Variants in EDIL3 observed in about 807,000 individuals in gnomAD.
EDIL3 encodes the protein EGF like and discoidin domains 3, also known as EGF-like repeat and discoidin I-like domain-containing protein 3.
In EDIL3, 37 loss-of-function variants were observed where a neutral mutation model predicts 67.4. The ratio of observed to expected loss-of-function variants is 0.55; its 90% CI spans 0.42 to 0.72. The LOEUF (loss-of-function observed/expected upper bound fraction) is 0.72. Ranked by LOEUF, EDIL3 falls within the 30% of genes least tolerant of loss-of-function variation. The pLI is 0.00. For synonymous variants in EDIL3, 195 were observed against 196.3 expected (o/e 0.99, Z 0.05); for missense variants, 527 against 586.3 (o/e 0.90, Z 1.04).
intron 6 of EDIL3, among the ~76,000 whole-genome samples, chr5:84,076,369 A>T (rs1483549619): frequency 2.6e-5 from 4 of 152,192 alleles, no homozygotes; most frequent in Admixed American, 6.5e-5. Context: ...AATTTTAACA[A>T]AAGTAGTTTG....
At chr5:84,308,670 A>C (rs1365465092) in intron 1 of EDIL3, among the ~76,000 whole-genome samples, 3 of 152,184 alleles carry the variant, frequency 2.0e-5, no homozygotes, top group Non-Finnish European at 4.4e-5. Context: ...TAAATTATTA[A>C]TCTGTGATTC....
intron 1 of EDIL3, among the ~76,000 whole-genome samples, chr5:84,262,990 T>C (rs1358222661): frequency 1.3e-5 from 2 of 152,054 alleles, no homozygotes; most frequent in Non-Finnish European, 2.9e-5. Context: ...TTTTTGACTA[T>C]ATTATTTCTA....
At chr5:84,113,184 A>G (rs748302679) in intron 5 of EDIL3, among the ~76,000 whole-genome samples, 16 of 152,204 alleles carry the variant, frequency 1.1e-4, no homozygotes, top group South Asian at 2.1e-4. Context: ...GAATACAAAA[A>G]TAGAATACGG....
chr5:84,384,065 C>G (rs901989112), intron 1 of EDIL3, among the ~76,000 whole-genome samples: 2 of 152,158 alleles, frequency 1.3e-5, no homozygotes, highest in African/African-American at 2.4e-5. Flanking sequence ...TCCCCACCGT[C>G]CTCCTCTTTC....
chr5:84,266,075 T>C (rs994127103), intron 1 of EDIL3, among the ~76,000 whole-genome samples: 5 of 152,168 alleles, frequency 3.3e-5, no homozygotes, highest in African/African-American at 9.7e-5. Flanking sequence ...CACATAAATA[T>C]TTAGGAAGTG....
chr5:84,026,040 G>A (rs1316896681), intron 9 of EDIL3, among the ~76,000 whole-genome samples: 3 of 152,248 alleles, frequency 2.0e-5, no homozygotes, highest in East Asian at 1.9e-4. Flanking sequence ...GCTACTCAAC[G>A]TGTGGTCTCT....
At chr5:84,173,597 C>A (rs1748850527) in intron 4 of EDIL3, among the ~76,000 whole-genome samples, 1 of 152,122 alleles carries the variant, frequency 6.6e-6, no homozygotes, top group South Asian at 2.1e-4. Flanking sequence ...CATGGGGTGG[C>A]TTCTCCATCT....
chr5:83,959,309 T>C (rs949706352), intron 10 of EDIL3, among the ~76,000 whole-genome samples: 3 of 150,372 alleles, frequency 2.0e-5, no homozygotes, highest in African/African-American at 4.9e-5. Flanking sequence ...AGGCCATTGA[T>C]ACATTTTTCG....
At chr5:84,358,997 C>A (rs1450805266) in intron 1 of EDIL3, among the ~76,000 whole-genome samples, 1 of 152,112 alleles carries the variant, frequency 6.6e-6, no homozygotes, top group Non-Finnish European at 1.5e-5. Context: ...AAGTAACAAG[C>A]CTCCCTGGGC....
chr5:84,186,267 T>G (rs1743446108), intron 3 of EDIL3, among the ~76,000 whole-genome samples: 1 of 152,098 alleles, frequency 6.6e-6, no homozygotes, highest in Non-Finnish European at 1.5e-5. Flanking sequence ...GAGCATATAG[T>G]GTTGCTTATA....
chr5:84,029,132 C>T (rs1032471391), intron 9 of EDIL3, among the ~76,000 whole-genome samples: 1 of 152,118 alleles, frequency 6.6e-6, no homozygotes, highest in Non-Finnish European at 1.5e-5. Flanking sequence ...TGGCAGGTGC[C>T]TGTAGTCCCA....
At chr5:84,003,619 A>T (rs924554949) in intron 9 of EDIL3, among the ~76,000 whole-genome samples, 7 of 152,216 alleles carry the variant, frequency 4.6e-5, no homozygotes, top group Non-Finnish European at 8.8e-5. Context: ...CCCCTTTGCA[A>T]ATGCTAAGGA....
chr5:84,278,888 C>T (rs1745639711), intron 1 of EDIL3, among the ~76,000 whole-genome samples: 1 of 152,090 alleles, frequency 6.6e-6, no homozygotes, highest in Non-Finnish European at 1.5e-5. Context: ...TTCTTGAGAT[C>T]ACACAAAGGA....
intron 6 of EDIL3, among the ~76,000 whole-genome samples, chr5:84,075,543 T>C: frequency 6.6e-6 from 1 of 151,960 alleles, no homozygotes; most frequent in South Asian, 2.1e-4. Context: ...TGGTGCAATC[T>C]CAGCTCACTG....
intron 1 of EDIL3, among the ~76,000 whole-genome samples, chr5:84,375,366 T>C (rs1385858816): frequency 6.6e-6 from 1 of 152,204 alleles, no homozygotes; most frequent in African/African-American, 2.4e-5. Flanking sequence ...TTGAAGTTTT[T>C]TTAAAAAAAT....
In EDIL3 at chr5:83,940,874, AAGAG is replaced by A. The variant is rs1425879066; in HGVS notation, c.*2541_*2544del. 2 of 152,036 alleles carry A rather than the reference AAGAG, an allele frequency of 1.3e-5. No homozygotes were observed. The highest frequency in any genetic ancestry group is 2.9e-5 in the Non-Finnish European group (2 of 67,920). The allele number at this position is 152,036 out of a possible 1,614,324, so 9.4% of individuals were successfully genotyped here. A position where few individuals can be genotyped will look rare whatever the true frequency, so the allele number is the denominator to read the frequency against. On this transcript the variant is annotated 3_prime_UTR_variant, in exon 11 of 11. Transcript: ENST00000296591. ...ACCAAACTTTATGAAGTCATTCAGAAAGAGAAAGTCAATCCTAAAATTAAAATTG... is the reference window on the plus strand; with the variant it reads ...ACCAAACTTTATGAAGTCATTCAGAAAAAGTCAATCCTAAAATTAAAATTG...
intron 9 of EDIL3, among the ~76,000 whole-genome samples, chr5:84,034,153 T>G (rs1448767136): frequency 1.3e-5 from 2 of 152,206 alleles, no homozygotes; most frequent in Non-Finnish European, 2.9e-5. Flanking sequence ...ATTTCCTAAA[T>G]AGTTGCATCA....
At chr5:84,236,303 T>G (rs533926327) in intron 2 of EDIL3, among the ~76,000 whole-genome samples, 2 of 152,236 alleles carry the variant, frequency 1.3e-5, no homozygotes, top group South Asian at 4.1e-4. Flanking sequence ...CTGTTATTAG[T>G]CTTTGAGAAC....
chr5:84,163,820 A>G (rs1213515590), intron 4 of EDIL3, among the ~76,000 whole-genome samples: 1 of 152,162 alleles, frequency 6.6e-6, no homozygotes, highest in Non-Finnish European at 1.5e-5. Context: ...TATCCATACT[A>G]GAAAATGCTA....
Sources: gnomAD v4.1 joint callset for allele counts (sites outside exome capture counted in the v4.1 genomes callset) on GRCh38, gnomAD v4.1.1 for gene constraint, MANE v1.5 for transcripts, NCBI Gene and HGNC (gene_info 2026-07-23, HGNC 2026-07-21) for gene names.